The following RGL4 variants were observed in gnomAD, a reference collection of about 807,000 sequenced individuals.
RGL4 encodes the protein ral guanine nucleotide dissociation stimulator like 4.
Under a neutral mutation model 49.6 loss-of-function variants are expected in RGL4, and 41 were observed. The observed-to-expected ratio is 0.83, with a 90% confidence interval of 0.64 to 1.07. The LOEUF (loss-of-function observed/expected upper bound fraction) is 1.07. Ranked by LOEUF, RGL4 falls within the 50% of genes least tolerant of loss-of-function variation. The pLI, the probability that RGL4 is intolerant of heterozygous loss-of-function variation, is 0.00. For missense variants in RGL4, 610 were observed against 591.9 expected, an observed-to-expected ratio of 1.03 and a Z score of -0.32; for synonymous variants, 255 against 238.0, an observed-to-expected ratio of 1.07 and a Z score of -0.66.
intron 2 of RGL4, 58 bp from the exon 3 acceptor site, chr22:23,692,603 GTCATTTCT>G: frequency 6.3e-7 from 1 of 1,577,154 alleles, no homozygotes; most frequent in African/African-American, 1.4e-5. Flanking sequence ...ATTCCACCCG[GTCATTTCT>G]GTGCTTGGAA....
intron 7 of RGL4, 126 bp from the exon 8 acceptor site, chr22:23,697,045 C>T: frequency 4.0e-6 from 3 of 755,522 alleles, no homozygotes; most frequent in Non-Finnish European, 6.8e-6. Context: ...AACCGGGAGA[C>T]CTGAGGAGGG....
intron 7 of RGL4, 148 bp from the exon 8 acceptor site, chr22:23,697,023 T>C (rs1923550834): frequency 1.5e-6 from 1 of 686,748 alleles, no homozygotes; most frequent in East Asian, 2.6e-5. Context: ...GCTGAGGGTC[T>C]TTGGCTGCTC....
At position 23,693,745 on chromosome 22, in the gene RGL4, C is replaced by T; in HGVS notation, c.697-14C>T. ...AGTGTGCTGTGTCCGTGACACTCTC[C>T]TCCTCCCCCAAAGGAGCTGTTCAAG... On this transcript the variant is annotated splice_polypyrimidine_tract_variant and intron_variant, in intron 3 of 10. Transcript: ENST00000290691. The T allele has an allele frequency of 6.2e-7, 1 of 1,607,470 alleles. No homozygotes were observed. Among genetic ancestry groups the T allele is most frequent in the Non-Finnish European group, 8.5e-7 (1 of 1,174,160 alleles).
chr22:23,698,492 C>A, intron 10 of RGL4, 159 bp downstream of exon 10: 1 of 832,512 alleles, frequency 1.2e-6, no homozygotes, highest in Non-Finnish European at 2.0e-6. Context: ...GCCTCCCAAG[C>A]AGCTGGGACT....
intron 8 of RGL4, 92 bp from the exon 9 acceptor site, chr22:23,697,746 G>C (rs1923600065): frequency 2.9e-6 from 4 of 1,382,858 alleles, no homozygotes; most frequent in Non-Finnish European, 2.0e-6. Flanking sequence ...CCCTGACCCT[G>C]GTGGCCCTGG....
In RGL4 at chr22:23,697,177, G is replaced by A. The variant is rs1923563261; in HGVS notation, c.1168G>A (p.Val390Ile). 6.2e-7 allele frequency: 1 copy of A among 1,612,900 alleles called. No homozygotes were observed. Among genetic ancestry groups the A allele is most frequent in the South Asian group, 1.1e-5 (1 of 90,968 alleles). The change falls in exon 8 of 11, where the codon GTC becomes ATC. Residue 390 changes from valine (V) to isoleucine (I), a missense_variant. Coordinates refer to ENST00000290691, the MANE Select transcript of RGL4 (RefSeq NM_153615.2). ...CCACCCCTCCTTGGCACAGGGTGTG[G>A]TCCCCTTCCTGGGGGATTTTCTGAC... Reference protein sequence around the residue: ...MRLRRQKKGVVPFLGDFLTEL... With the variant: ...MRLRRQKKGVIPFLGDFLTEL...
intron 7 of RGL4, 21 bp downstream of exon 7, chr22:23,696,709 G>A: frequency 6.2e-7 from 1 of 1,605,888 alleles, no homozygotes; most frequent in Non-Finnish European, 8.5e-7. Flanking sequence ...CTGTGGCATG[G>A]ACGGGCCGCA....
At chr22:23,693,134 C>T (rs531904219) in intron 3 of RGL4, 143 bp downstream of exon 3, 17 of 1,367,746 alleles carry the variant, frequency 1.2e-5, no homozygotes, top group Non-Finnish European at 1.6e-5. Flanking sequence ...TCCTCACCCA[C>T]AAGCCTTCCC....
At chr22:23,697,410 G>A (rs113100515) in intron 8 of RGL4, among the ~76,000 whole-genome samples, 165 bp downstream of exon 8, 4 of 152,326 alleles carry the variant, frequency 2.6e-5, no homozygotes, top group African/African-American at 4.8e-5. Flanking sequence ...CATCACCTCT[G>A]AGTGATGGAG....
rs1387828305 is a variant in RGL4 at position 23,694,948 on chromosome 22, A to T, written c.1017-2A>T. 6.2e-7 allele frequency: 1 copy of T among 1,612,172 alleles called. No individual in the cohort carries two copies. Among genetic ancestry groups the T allele is most frequent in the Non-Finnish European group, 8.5e-7 (1 of 1,178,418 alleles). On this transcript the variant is annotated splice_acceptor_variant, in intron 5 of 10. Transcript: ENST00000290691. LOFTEE classifies it high-confidence loss of function. ...ACCCTTCTTTCTTTCCTCTGCCCAT[A>T]GCAAAAGCATGAAAGAGCTAAAAGA...
At position 23,693,871 on chromosome 22, in the gene RGL4, T is replaced by A; in HGVS notation, c.809T>A (p.Phe270Tyr). The change falls in exon 4 of 11, where the codon TTC (phenylalanine) becomes TAC (tyrosine). Residue 270 changes from phenylalanine to tyrosine, a missense_variant. Physicochemically the swap from Phe to Tyr is conservative, Grantham distance 22. Transcript: ENST00000290691. ...APTVRATIAH[F>Y]NRLTNCITTS... Reference sequence around the variant, plus strand: ...ACAGTTCGTGCCACCATCGCACACTTCAACAGGCTCACCAACTGCATCACC... The same window carrying A: ...ACAGTTCGTGCCACCATCGCACACTACAACAGGCTCACCAACTGCATCACC... 1 of 1,613,978 alleles carries A rather than the reference T, an allele frequency of 6.2e-7. No individual in the cohort carries two copies. The highest frequency in any genetic ancestry group is 8.5e-7 in the Non-Finnish European group (1 of 1,180,022).
Position 23,694,513 on chromosome 22 carries a change from A to C in RGL4, c.1016+63A>C. On this transcript the variant is annotated intron_variant, in intron 5 of 10. Transcript: ENST00000290691. ...CCTAGGGACTCACAGGTCTCCCCCCATGTGCCCTCAATGACTCTGAAAGGT... is the reference window on the plus strand; with the variant it reads ...CCTAGGGACTCACAGGTCTCCCCCCCTGTGCCCTCAATGACTCTGAAAGGT... 2.7e-6 allele frequency: 3 copies of C among 1,128,644 alleles called. No individual in the cohort carries two copies. In the South Asian group the frequency reaches 3.8e-5, roughly 14 times the overall value. 69.9% of individuals were successfully genotyped at this position (1,128,644 alleles called of 1,614,324 possible).
At position 23,691,124 on chromosome 22, in the gene RGL4, T is replaced by A. The variant is rs1040837303; in HGVS notation, c.-907T>A. On this transcript the variant is annotated 5_prime_UTR_variant, in exon 1 of 11. Transcript: ENST00000290691. ...ATCTAAGACACAGCAAACAAAGGGG[T>A]CCCTAGAGCCTAAAACTCTGGAAAA... 6.6e-6 allele frequency: 1 copy of A among 152,002 alleles called. No homozygotes were observed. The highest frequency in any genetic ancestry group is 1.5e-5 in the Non-Finnish European group (1 of 68,012). 9.4% of individuals were successfully genotyped at this position (152,002 alleles called of 1,614,324 possible).
At chr22:23,695,272 C>CTGGGCTGCTGAGCAGGGGTGA (rs1923413333) in intron 6 of RGL4, 4 of 479,456 alleles carry the variant, frequency 8.3e-6, no homozygotes, top group Non-Finnish European at 1.2e-5. Flanking sequence ...TGCTGGGCTG[C>CTGGGCTGCTGAGCAGGGGTGA]TGGGCTGCTG....
rs1923301465 is a variant in RGL4 at position 23,693,779 on chromosome 22, G to A, written c.717G>A (p.Val239=). 1 of 1,613,960 alleles carries A rather than the reference G, an allele frequency of 6.2e-7. No homozygotes were observed. Among genetic ancestry groups the A allele is most frequent in the Non-Finnish European group, 8.5e-7 (1 of 1,180,010 alleles). Residue 239 remains valine, a synonymous_variant, in exon 4 of 11, where the codon GTG becomes GTA. Coordinates refer to ENST00000290691, the MANE Select transcript of RGL4 (RefSeq NM_153615.2). ...LMDAELFKKV[V]LHECLGCIWG... ...CAAAGGAGCTGTTCAAGAAGGTGGTGCTCCACGAATGCTTGGGCTGCATCT... is the reference window on the plus strand; with the variant it reads ...CAAAGGAGCTGTTCAAGAAGGTGGTACTCCACGAATGCTTGGGCTGCATCT...
At chr22:23,694,511 C>T in intron 5 of RGL4, 61 bp downstream of exon 5, 1 of 1,153,366 alleles carries the variant, frequency 8.7e-7, no homozygotes, top group Non-Finnish European at 1.3e-6. Context: ...AGGTCTCCCC[C>T]CATGTGCCCT....
At chr22:23,694,121 T>C in intron 4 of RGL4, 147 bp downstream of exon 4, 1 of 787,770 alleles carries the variant, frequency 1.3e-6, no homozygotes, top group Non-Finnish European at 2.1e-6. Context: ...TCACTCACCT[T>C]GACTCCCACG....
In RGL4 at chr22:23,697,248, G is replaced by C; in HGVS notation, c.1236+3G>C. On this transcript the variant is annotated splice_donor_region_variant and intron_variant, in intron 8 of 10. Coordinates refer to ENST00000290691, the MANE Select transcript of RGL4 (RefSeq NM_153615.2). The stretch of plus-strand genomic sequence containing the variant: ...CGGCCATCCCGGACGACCTGGATGT[G>C]AGTGAGCCTGGGGCAGGGTGCTTGG... 6.2e-7 allele frequency: 1 copy of C among 1,611,808 alleles called. No individual in the cohort carries two copies. The highest frequency in any genetic ancestry group is 8.5e-7 in the Non-Finnish European group (1 of 1,178,098).
intron 4 of RGL4, 113 bp from the exon 5 acceptor site, chr22:23,694,233 GA>G: frequency 2.2e-6 from 2 of 892,888 alleles, no homozygotes; most frequent in Non-Finnish European, 3.7e-6. Flanking sequence ...CTGCCCTCCT[GA>G]GGCTCCCCAG....
Sources: gnomAD v4.1 joint callset for allele counts (sites outside exome capture counted in the v4.1 genomes callset) on GRCh38, gnomAD v4.1.1 for gene constraint, MANE v1.5 for transcripts, NCBI Gene and HGNC (gene_info 2026-07-23, HGNC 2026-07-21) for gene names.